The following AGBL1 variants were observed in gnomAD, a reference collection of about 807,000 sequenced individuals.
AGBL1 encodes AGBL carboxypeptidase 1.
AGBL1 carries 130 observed loss-of-function variants against 118.9 expected under a neutral mutation model. That is an observed-to-expected ratio of 1.09 (90% CI 0.95 to 1.26). The LOEUF is 1.26. Ranked by LOEUF, AGBL1 falls within the 50% of genes most tolerant of loss-of-function variation. AGBL1 has a pLI of 0.00. For synonymous variants in AGBL1, 555 were observed against 478.9 expected (o/e 1.16, Z -2.08); for missense variants, 1,584 against 1,298.1 (o/e 1.22, Z -3.38).
intron 22 of AGBL1, among the ~76,000 whole-genome samples, chr15:86,862,031 C>G (rs181215073): frequency 1.3e-5 from 2 of 152,252 alleles, no homozygotes; most frequent in Admixed American, 6.5e-5. Context: ...CTCCCTGTTC[C>G]TTCTGCTTGT....
At chr15:86,960,502 T>TC (rs1011974661) in intron 23 of AGBL1, among the ~76,000 whole-genome samples, 1 of 152,008 alleles carries the variant, frequency 6.6e-6, no homozygotes, top group Non-Finnish European at 1.5e-5. Flanking sequence ...GTCAAAGATG[T>TC]AAAGAAAACA....
intron 1 of AGBL1, among the ~76,000 whole-genome samples, chr15:86,126,025 C>T: frequency 6.6e-6 from 1 of 152,088 alleles, no homozygotes; most frequent in East Asian, 1.9e-4. Context: ...GCCAAACATT[C>T]ATGGCTTTTA....
At chr15:86,331,484 A>C (rs1309850032) in intron 17 of AGBL1, among the ~76,000 whole-genome samples, 1 of 152,164 alleles carries the variant, frequency 6.6e-6, no homozygotes, top group Non-Finnish European at 1.5e-5. Context: ...GATGAAAATC[A>C]CCAAGGCGTA....
intron 18 of AGBL1, among the ~76,000 whole-genome samples, chr15:86,514,135 AACACACAC>A (rs3084321): frequency 6.7e-6 from 1 of 149,184 alleles, no homozygotes; most frequent in African/African-American, 2.5e-5. Context: ...TACACACACA[AACACACAC>A]ACACACACAC....
intron 22 of AGBL1, among the ~76,000 whole-genome samples, chr15:86,709,838 T>TA (rs755661835): frequency 1.2e-4 from 19 of 152,220 alleles, no homozygotes; most frequent in Non-Finnish European, 2.8e-4. Context: ...GTTTCTATCA[T>TA]AGAGTCTGGC....
At chr15:86,973,057 C>T (rs989920419) in intron 23 of AGBL1, among the ~76,000 whole-genome samples, 1 of 151,956 alleles carries the variant, frequency 6.6e-6, no homozygotes. Context: ...ATCTCAAAAC[C>T]TCTTTAAGCC....
chr15:86,727,718 T>C (rs2086841891), intron 22 of AGBL1, among the ~76,000 whole-genome samples: 1 of 152,186 alleles, frequency 6.6e-6, no homozygotes, highest in African/African-American at 2.4e-5. Context: ...TTCTGATTTC[T>C]CAATTTAAAG....
chr15:86,860,774 A>G (rs544528098), intron 22 of AGBL1, among the ~76,000 whole-genome samples: 1 of 152,030 alleles, frequency 6.6e-6, no homozygotes, highest in South Asian at 2.1e-4. Flanking sequence ...GGATGAGCAC[A>G]TGTTTCTATG....
chr15:86,657,299 C>G (rs765236318), intron 21 of AGBL1, among the ~76,000 whole-genome samples: 40 of 152,186 alleles, frequency 2.6e-4, no homozygotes, highest in Non-Finnish European at 5.3e-4. Flanking sequence ...CCGGTAAGAG[C>G]TCGTTTCCTC....
At chr15:86,688,724 C>T (rs928393261) in intron 22 of AGBL1, among the ~76,000 whole-genome samples, 1 of 152,120 alleles carries the variant, frequency 6.6e-6, no homozygotes, top group Non-Finnish European at 1.5e-5. Flanking sequence ...ACAATTGATA[C>T]ATAATAAACT....
chr15:86,948,673 C>G (rs1596664679), intron 23 of AGBL1, among the ~76,000 whole-genome samples: 2 of 152,224 alleles, frequency 1.3e-5, no homozygotes, highest in African/African-American at 2.4e-5. Flanking sequence ...CCAGAACATT[C>G]TTTTCTGTTT....
At chr15:86,338,257 A>G (rs1029226640) in intron 17 of AGBL1, among the ~76,000 whole-genome samples, 5 of 152,158 alleles carry the variant, frequency 3.3e-5, no homozygotes, top group African/African-American at 1.2e-4. Flanking sequence ...TGAAAACAAC[A>G]TGTTTTAAAT....
chr15:86,167,534 C>A (rs2141737838), intron 5 of AGBL1, among the ~76,000 whole-genome samples: 1 of 152,358 alleles, frequency 6.6e-6, no homozygotes, highest in African/African-American at 2.4e-5. Context: ...GCGTGAACCG[C>A]CATGCCTGGC....
intron 23 of AGBL1, among the ~76,000 whole-genome samples, chr15:86,940,223 GC>G (rs1388242580): frequency 1.3e-5 from 2 of 151,750 alleles, no homozygotes; most frequent in African/African-American, 4.8e-5. Flanking sequence ...TTCTAATGGA[GC>G]CCTTTGATTT....
intron 16 of AGBL1, among the ~76,000 whole-genome samples, chr15:86,292,222 T>C (rs764230587): frequency 4.0e-5 from 6 of 151,736 alleles, no homozygotes; most frequent in Non-Finnish European, 7.4e-5. Context: ...ATCACAAGAG[T>C]CCTTATAAGT....
chr15:86,767,902 T>A lies in AGBL1; in HGVS notation c.3158+93466T>A, dbSNP rs571006463. Among the ~76,000 whole-genome samples the A allele has an allele frequency of 2.0e-5, 3 of 152,076 alleles. No individual in the cohort carries two copies. The East Asian group carries it at 5.8e-4, about 30-fold the overall frequency. ...CTTATGTTCTATTCAAATGTGAAAATTTGCATAACTCAACCTTTTTGGATT... is the reference window on the plus strand; with the variant it reads ...CTTATGTTCTATTCAAATGTGAAAAATTGCATAACTCAACCTTTTTGGATT... On this transcript the variant is annotated intron_variant, in intron 22 of 22. Coordinates refer to ENST00000614907, the MANE Select transcript of AGBL1 (RefSeq NM_001386094.1).
intron 18 of AGBL1, among the ~76,000 whole-genome samples, chr15:86,487,110 C>G (rs1596178444): frequency 6.6e-6 from 1 of 152,076 alleles, no homozygotes; most frequent in Admixed American, 6.6e-5. Context: ...CTTGCCAGCT[C>G]TTTTTGGTTT....
chr15:86,254,403 G>T (rs2078862831), intron 7 of AGBL1, among the ~76,000 whole-genome samples: 1 of 152,184 alleles, frequency 6.6e-6, no homozygotes, highest in Non-Finnish European at 1.5e-5. Flanking sequence ...TTTAGTCCAG[G>T]ATTTAAACTC....
intron 22 of AGBL1, among the ~76,000 whole-genome samples, chr15:86,727,782 C>A (rs2086842834): frequency 6.6e-6 from 1 of 152,082 alleles, no homozygotes; most frequent in Non-Finnish European, 1.5e-5. Context: ...TGTTAAGTTG[C>A]AAAAATCCCA....
Sources: gnomAD v4.1 joint callset for allele counts (sites outside exome capture counted in the v4.1 genomes callset) on GRCh38, gnomAD v4.1.1 for gene constraint, MANE v1.5 for transcripts, NCBI Gene and HGNC (gene_info 2026-07-23, HGNC 2026-07-21) for gene names.